TLE6: variants seen among roughly 807,000 people sequenced by gnomAD.
TLE6 encodes TLE family member 6, subcortical maternal complex member.
In TLE6, 72 loss-of-function variants were observed where a neutral mutation model predicts 77.1. That is an observed-to-expected ratio of 0.93 (90% CI 0.77 to 1.14). TLE6 has a LOEUF of 1.14. TLE6 is among the 50% of genes most tolerant of loss of function. The pLI, the probability that TLE6 is intolerant of heterozygous loss-of-function variation, is 0.00. For missense variants in TLE6, 843 were observed against 747.6 expected (o/e 1.13, Z -1.49); for synonymous variants, 366 against 287.3 (o/e 1.27, Z -2.77).
chr19:2,983,177 G>T (rs35587941), intron 5 of TLE6, among the ~76,000 whole-genome samples: 49,651 of 152,048 alleles, frequency 0.33, 10,096 homozygotes, highest in Non-Finnish European at 0.43. Flanking sequence ...GGTGAGGGGG[G>T]GCCAGGAAGC....
intron 8 of TLE6, 153 bp downstream of exon 8, chr19:2,987,525 G>T (rs1019488625): frequency 8.2e-7 from 1 of 1,215,414 alleles, no homozygotes; most frequent in Non-Finnish European, 1.2e-6. Context: ...GATCCAGGAG[G>T]CTATACTGGA....
intron 3 of TLE6, among the ~76,000 whole-genome samples, chr19:2,981,274 C>T (rs1038702426): frequency 1.8e-4 from 27 of 151,000 alleles, no homozygotes; most frequent in Admixed American, 1.3e-4. Context: ...GCAGGAGGAT[C>T]TCTTGAACCC....
chr19:2,978,167 C>T (rs781579112), intron 1 of TLE6, 31 bp from the exon 2 acceptor site: 8 of 1,516,346 alleles, frequency 5.3e-6, no homozygotes, highest in African/African-American at 1.4e-5. Flanking sequence ...TTTTCTGTCC[C>T]TCAAGACCTG....
At chr19:2,984,710 C>A (rs910174333) in intron 5 of TLE6, among the ~76,000 whole-genome samples, 1 of 151,912 alleles carries the variant, frequency 6.6e-6, no homozygotes. Context: ...TCAGGTGATC[C>A]GCCCGCCTCA....
Position 2,993,594 on chromosome 19 carries a change from G to A in TLE6, c.1537+12G>A, listed in dbSNP as rs2089136655. On this transcript the variant is annotated intron_variant, in intron 15 of 16. Transcript: ENST00000246112. ...GTTCTCCCCCTTTGGTAAGCGGCTGGCGGAAGATGAGGGGACTCCCCTGCA... is the reference window on the plus strand; with the variant it reads ...GTTCTCCCCCTTTGGTAAGCGGCTGACGGAAGATGAGGGGACTCCCCTGCA... 6.5e-7 allele frequency: 1 copy of A among 1,542,174 alleles called. No homozygotes were observed. The highest frequency in any genetic ancestry group is 8.8e-7 in the Non-Finnish European group (1 of 1,139,670).
Position 2,989,212 on chromosome 19 carries a change from A to C in TLE6, c.892A>C (p.Thr298Pro). 3 of 1,614,164 alleles carry C rather than the reference A, an allele frequency of 1.9e-6. No individual in the cohort carries two copies. Among genetic ancestry groups the C allele is most frequent in the Non-Finnish European group, 2.5e-6 (3 of 1,180,046 alleles). ...GCTCGCCACGGCCATCAGCAGCTTCACGCGGCACGTGTTCACCTGTGGCAG... is the reference window on the plus strand; with the variant it reads ...GCTCGCCACGGCCATCAGCAGCTTCCCGCGGCACGTGTTCACCTGTGGCAG... The part of the protein sequence containing the change: ...LVLATAISSF[T>P]RHVFTCGRRG... The change falls in exon 12 of 17, where the codon ACG becomes CCG. Residue 298 changes from threonine (T) to proline (P), a missense_variant. Transcript: ENST00000246112.
At chr19:2,994,602 T>C (rs1049620507) in intron 16 of TLE6, among the ~76,000 whole-genome samples, 3 of 120,990 alleles carry the variant, frequency 2.5e-5, no homozygotes, top group African/African-American at 7.9e-5. Context: ...AGAGACTCCA[T>C]CTAAAAAAAT....
At chr19:2,993,221 C>T (rs1025982179) in intron 14 of TLE6, among the ~76,000 whole-genome samples, 24 of 152,180 alleles carry the variant, frequency 1.6e-4, no homozygotes, top group South Asian at 4.2e-4. Context: ...AAAATAAACA[C>T]TCATGCTGTA....
intron 3 of TLE6, 28 bp from the exon 4 acceptor site, chr19:2,981,510 C>G (rs1342688827): frequency 3.2e-6 from 5 of 1,551,040 alleles, no homozygotes; most frequent in African/African-American, 2.7e-5. Context: ...AGCCACAGGT[C>G]TTCCAGCCTG....
Position 2,987,886 on chromosome 19 carries a change from T to A in TLE6, c.626-12T>A. ...AATGCAAGCCGCTTAGCCCCTCTTG[T>A]CTCCCCACTAGCCCCCAGGCCACCT... On this transcript the variant is annotated splice_polypyrimidine_tract_variant and intron_variant, in intron 9 of 16. Transcript: ENST00000246112. 6.2e-7 allele frequency: 1 copy of A among 1,610,928 alleles called. No individual in the cohort carries two copies.
At position 2,991,984 on chromosome 19, in the gene TLE6, G is replaced by A; in HGVS notation, c.1386G>A (p.Gln462=). 1 of 1,613,340 alleles carries A rather than the reference G, an allele frequency of 6.2e-7. No individual in the cohort carries two copies. The highest frequency in any genetic ancestry group is 8.5e-7 in the Non-Finnish European group (1 of 1,179,800). The change falls in exon 14 of 17, where the codon CAG becomes CAA. Residue 462 remains glutamine, a splice_region_variant and synonymous_variant. Coordinates refer to ENST00000246112, the MANE Select transcript of TLE6 (RefSeq NM_001143986.2). ...CTCTGGAGTACCAATTCAAGTCTCA[G>A]GTGCGGAGGCCGGGATGGGGTCTGC... is the stretch of plus-strand genomic sequence containing the variant. The part of the protein sequence containing the change: ...MKPLEYQFKS[Q]IMSLSHSPQE...
chr19:2,978,293 G>A lies in TLE6; in HGVS notation c.51+9G>A, dbSNP rs1209669845. On this transcript the variant is annotated intron_variant, in intron 2 of 16. Transcript: ENST00000246112. The stretch of plus-strand genomic sequence containing the variant: ...CCCCGAAAAGCACTTCGGTGAGGAG[G>A]GCATGTGGTGGGATCAGCCCTCAAG... The A allele has an allele frequency of 6.4e-7, 1 of 1,551,140 alleles. No homozygotes were observed. The highest frequency in any genetic ancestry group is 1.4e-5 in the African/African-American group (1 of 73,012).
chr19:2,993,831 C>T (rs867474311), intron 15 of TLE6, among the ~76,000 whole-genome samples, 188 bp from the exon 16 acceptor site: 9 of 151,400 alleles, frequency 5.9e-5, no homozygotes, highest in African/African-American at 2.0e-4. Flanking sequence ...ACTGGTGTCC[C>T]CATGAGCCCG....
rs370995312 is a variant in TLE6 at position 2,987,165 on chromosome 19, C to T, written c.468C>T (p.His156=). ...GGGACAAGGAGCCTTGGTTTTGGCA[C>T]GACACTCTGACCGAGCAACTCTGGC... ...LFWDKEPWFW[H]DTLTEQLWRI... Residue 156 remains histidine, a synonymous_variant, in exon 7 of 17, where the codon CAC becomes CAT. Transcript: ENST00000246112. 27 of 1,613,944 alleles carry T rather than the reference C, an allele frequency of 1.7e-5. No individual in the cohort carries two copies. The highest frequency in any genetic ancestry group is 3.3e-5 in the Admixed American group (2 of 59,996).
rs886773225 is a variant in TLE6, at chr19:2,977,610, G to C, written c.-37G>C. On this transcript the variant is annotated splice_region_variant and 5_prime_UTR_variant, in exon 1 of 17. Transcript: ENST00000246112. ...TGGCTGACCTCCGCAGCTTCCGCCC[G>C]GTGAGGGACGTGAGTTGCCAGGCGT... 6.6e-6 allele frequency: 1 copy of C among 152,642 alleles called. No homozygotes were observed. Among genetic ancestry groups the C allele is most frequent in the Non-Finnish European group, 1.5e-5 (1 of 68,402 alleles). The allele number at this position is 152,642 out of a possible 1,614,324, so 9.5% of individuals were successfully genotyped here.
intron 2 of TLE6, 90 bp downstream of exon 2, chr19:2,978,374 C>T: frequency 1.5e-6 from 2 of 1,303,434 alleles, no homozygotes; most frequent in Non-Finnish European, 2.2e-6. Context: ...CTGGGCTGGC[C>T]CCGCCCAGGC....
Position 2,981,583 on chromosome 19 carries a change from G to A in TLE6, c.180G>A (p.Ser60=), listed in dbSNP as rs1481492007. ...CGGAGTTGGAGAGCATTTACTACTCGGTGAGCCAGACCCAGGCAGCCCCAA... is the reference window on the plus strand; with the variant it reads ...CGGAGTTGGAGAGCATTTACTACTCAGTGAGCCAGACCCAGGCAGCCCCAA... ...FAAELESIYY[S]LHKIQQDVAE... is the part of the protein sequence containing the mutation. The change falls in exon 4 of 17, where the codon TCG becomes TCA. Residue 60 remains serine, a splice_region_variant and synonymous_variant. Coordinates refer to ENST00000246112, the MANE Select transcript of TLE6 (RefSeq NM_001143986.2). 6.4e-6 allele frequency: 10 copies of A among 1,551,312 alleles called. No individual in the cohort carries two copies. The highest frequency in any genetic ancestry group is 8.7e-6 in the Non-Finnish European group (10 of 1,146,928).
intron 2 of TLE6, among the ~76,000 whole-genome samples, chr19:2,979,157 T>G (rs2088742798): frequency 6.6e-6 from 1 of 152,038 alleles, no homozygotes; most frequent in African/African-American, 2.4e-5. Context: ...TTTCACCATG[T>G]TGGCCAGGCT....
chr19:2,994,855 T>A, intron 16 of TLE6, 45 bp from the exon 17 acceptor site: 1 of 1,124,562 alleles, frequency 8.9e-7, no homozygotes, highest in Non-Finnish European at 1.3e-6. Flanking sequence ...AGACCAGGGG[T>A]GTGTGAGCCC....
Sources: allele counts gnomAD v4.1 joint callset (sites outside exome capture counted in the v4.1 genomes callset), GRCh38; gene constraint gnomAD v4.1.1; transcripts MANE v1.5; gene names NCBI Gene and HGNC (gene_info 2026-07-23, HGNC 2026-07-21).